Variants in ARSK observed in about 807,000 individuals in gnomAD.
ARSK encodes the protein arylsulfatase K.
In ARSK, 37 loss-of-function variants were observed where a neutral mutation model predicts 53.2. The ratio of observed to expected loss-of-function variants is 0.70; its 90% CI spans 0.54 to 0.92. The LOEUF is 0.92. Ranked by LOEUF, ARSK falls within the 40% of genes least tolerant of loss-of-function variation. ARSK has a pLI of 0.00. For synonymous variants in ARSK, 208 were observed against 223.2 expected (o/e 0.93, Z 0.61); for missense variants, 613 against 643.0 (o/e 0.95, Z 0.51).
chr5:95,555,278 G>C lies in ARSK; in HGVS notation c.-1G>C, dbSNP rs1470673191. On this transcript the variant is annotated 5_prime_UTR_variant, in exon 1 of 8. Transcript: ENST00000380009. This position sits in a 1 kb window ranked among gnomAD's most constrained non-coding sequence, Gnocchi z 4.0. ...GCAGGCTCTCAGAACCGCTACCGGC[G>C]ATGCTACTGCTGTGGGTGTCGGTGG... is the stretch of plus-strand genomic sequence containing the variant. The C allele has an allele frequency of 2.5e-6, 4 of 1,597,054 alleles. No homozygotes were observed. In the Admixed American group the frequency reaches 5.0e-5, roughly 20 times the overall value.
At chr5:95,589,586 T>C (rs1346430856) in intron 5 of ARSK, among the ~76,000 whole-genome samples, 9 of 152,214 alleles carry the variant, frequency 5.9e-5, no homozygotes, top group Admixed American at 5.9e-4. Flanking sequence ...GCTCCATCCA[T>C]GTCCCCGCAA....
chr5:95,568,416 G>C (rs917567567), intron 3 of ARSK, among the ~76,000 whole-genome samples: 3 of 151,984 alleles, frequency 2.0e-5, no homozygotes, highest in Non-Finnish European at 4.4e-5. Flanking sequence ...TCTCTAACTT[G>C]AGTCTATTGT....
chr5:95,578,583 G>A (rs947188088), intron 3 of ARSK, among the ~76,000 whole-genome samples: 1 of 152,060 alleles, frequency 6.6e-6, no homozygotes, highest in Non-Finnish European at 1.5e-5. Flanking sequence ...TTGATTGTGA[G>A]ACTTACCAGA....
chr5:95,579,487 G>A (rs899082561), intron 3 of ARSK, among the ~76,000 whole-genome samples: 1 of 152,162 alleles, frequency 6.6e-6, no homozygotes, highest in Non-Finnish European at 1.5e-5. Context: ...ACTACCACCA[G>A]AACAGTATGG....
chr5:95,601,989 G>A (rs1371849899), intron 7 of ARSK, among the ~76,000 whole-genome samples: 4 of 152,086 alleles, frequency 2.6e-5, no homozygotes, highest in African/African-American at 9.7e-5. Flanking sequence ...AAACCAGAAT[G>A]GGGTCACTGG....
At chr5:95,576,995 A>G (rs1327258391) in intron 3 of ARSK, among the ~76,000 whole-genome samples, 1 of 152,252 alleles carries the variant, frequency 6.6e-6, no homozygotes, top group East Asian at 1.9e-4. Context: ...TGCTTACGTT[A>G]GGTGCCCATA....
chr5:95,575,962 G>C (rs747572530), intron 3 of ARSK, among the ~76,000 whole-genome samples: 1 of 152,064 alleles, frequency 6.6e-6, no homozygotes, highest in Non-Finnish European at 1.5e-5. Flanking sequence ...TTGTGTTCCA[G>C]ATCTTAGAGG....
At chr5:95,595,716 C>T (rs957308871) in intron 6 of ARSK, among the ~76,000 whole-genome samples, 5 of 152,136 alleles carry the variant, frequency 3.3e-5, no homozygotes, top group Non-Finnish European at 7.4e-5. Context: ...GGTTGATAAA[C>T]TGTTGGGCAC....
At position 95,583,977 on chromosome 5, in the gene ARSK, T is replaced by C. The variant is rs148213845; in HGVS notation, c.699+779T>C. On this transcript the variant is annotated intron_variant, in intron 4 of 7. Transcript: ENST00000380009. ...CCTTCCTCATTTATGCTCGTAAATG[T>C]GCCTTCACTAAGTTCCTCTGGCTAC... 3.3e-5 allele frequency among the ~76,000 whole-genome samples: 5 copies of C among 152,364 alleles called. No individual in the cohort carries two copies. The East Asian group carries it at 9.6e-4, about 29-fold the overall frequency.
At chr5:95,581,390 T>G (rs1749018782) in intron 3 of ARSK, among the ~76,000 whole-genome samples, 2 of 152,194 alleles carry the variant, frequency 1.3e-5, no homozygotes, top group Non-Finnish European at 2.9e-5. Context: ...TTGAAAATCT[T>G]TCTTTGAGAT....
At chr5:95,560,617 TG>T (rs923517895) in intron 1 of ARSK, among the ~76,000 whole-genome samples, 1 of 151,346 alleles carries the variant, frequency 6.6e-6, no homozygotes, top group African/African-American at 2.4e-5. Context: ...TTTAAACAAA[TG>T]GTGCTGGAAA....
chr5:95,589,601 C>T (rs1215691074), intron 5 of ARSK, among the ~76,000 whole-genome samples: 1 of 152,214 alleles, frequency 6.6e-6, no homozygotes. Context: ...CCGCAAAGGA[C>T]ATGATCTCAT....
intron 5 of ARSK, among the ~76,000 whole-genome samples, chr5:95,588,149 T>C (rs896695840): frequency 2.1e-4 from 32 of 152,126 alleles, no homozygotes; most frequent in Admixed American, 5.2e-4. Flanking sequence ...AGTGTGGGAA[T>C]ACTACTCTTG....
intron 4 of ARSK, among the ~76,000 whole-genome samples, chr5:95,585,914 G>A (rs1375489458): frequency 6.6e-6 from 1 of 152,104 alleles, no homozygotes; most frequent in Admixed American, 6.6e-5. Flanking sequence ...TTCTTTAAAA[G>A]TTCTAAGTGG....
intron 2 of ARSK, among the ~76,000 whole-genome samples, chr5:95,567,027 C>T (rs752929146): frequency 6.6e-6 from 1 of 152,156 alleles, no homozygotes; most frequent in African/African-American, 2.4e-5. Context: ...GAGCAGTGGG[C>T]TAGGGTGAGA....
At chr5:95,561,857 G>T (rs1199976465) in intron 1 of ARSK, among the ~76,000 whole-genome samples, 1 of 152,166 alleles carries the variant, frequency 6.6e-6, no homozygotes, top group Non-Finnish European at 1.5e-5. Context: ...CCATTGAATT[G>T]TACACTTTAA....
intron 6 of ARSK, among the ~76,000 whole-genome samples, chr5:95,591,903 A>G (rs1408978629): frequency 6.6e-6 from 1 of 152,240 alleles, no homozygotes; most frequent in Non-Finnish European, 1.5e-5. Context: ...ATTCGGGTTC[A>G]TAACCTTATA....
At chr5:95,577,353 T>C (rs1312723433) in intron 3 of ARSK, among the ~76,000 whole-genome samples, 1 of 152,244 alleles carries the variant, frequency 6.6e-6, no homozygotes, top group Non-Finnish European at 1.5e-5. Flanking sequence ...TTTAGATTCA[T>C]AGCTAAAGTA....
intron 1 of ARSK, among the ~76,000 whole-genome samples, chr5:95,557,319 T>G (rs77281077): frequency 6.6e-6 from 1 of 152,174 alleles, no homozygotes; most frequent in African/African-American, 2.4e-5. Context: ...TATTTTAGAA[T>G]GAGAAAAATA....
Sources: gnomAD v4.1 joint callset for allele counts (sites outside exome capture counted in the v4.1 genomes callset) on GRCh38, gnomAD v4.1.1 for gene constraint, Gnocchi (gnomAD v3.1) non-coding constraint, MANE v1.5 for transcripts, NCBI Gene and HGNC (gene_info 2026-07-23, HGNC 2026-07-21) for gene names.